The following LMO4 variants were observed in gnomAD, a reference collection of about 807,000 sequenced individuals.
LMO4 encodes LIM domain transcription factor LMO4.
In LMO4, 3 loss-of-function variants were observed where a neutral mutation model predicts 18.5. The ratio of observed to expected loss-of-function variants is 0.16; its 90% CI spans 0.07 to 0.42. LMO4 has a LOEUF of 0.42. LMO4 is among the 10% of genes least tolerant of loss of function. The pLI is 0.99. For synonymous variants in LMO4, 100 were observed against 88.1 expected (o/e 1.14, Z -0.76); for missense variants, 121 against 219.9 (o/e 0.55, Z 2.84).
At chr1:87,331,879 C>T (rs1650164259) in intron 1 of LMO4, 134 bp from the exon 2 acceptor site, 3 of 695,250 alleles carry the variant, frequency 4.3e-6, no homozygotes, top group Non-Finnish European at 7.2e-6. Context: ...TCCTTCCCGC[C>T]CTTGCCCTGC....
Position 87,345,491 on chromosome 1 carries a change from GAAA to G in LMO4, c.*704_*706del, listed in dbSNP as rs71740734. On this transcript the variant is annotated 3_prime_UTR_variant, in exon 5 of 5. Transcript: ENST00000370544. ...CCCTACTTCTAATTTGCTGAATGAA[GAAA>G]AAAAAAAATCTTTTATTTGTGATAT... The G allele has an allele frequency of 1.4e-5, 2 of 146,062 alleles. No homozygotes were observed. The highest frequency in any genetic ancestry group is 2.0e-4 in the East Asian group (1 of 5,060). The allele number at this position is 146,062 out of a possible 1,614,324, so 9.0% of individuals were successfully genotyped here.
At position 87,329,166 on chromosome 1, in the gene LMO4, C is replaced by G. The variant is rs938173509; in HGVS notation, c.-82C>G. The G allele has an allele frequency of 6.6e-6, 1 of 152,474 alleles. No homozygotes were observed. Among genetic ancestry groups the G allele is most frequent in the South Asian group, 2.1e-4 (1 of 4,836 alleles). 9.4% of individuals were successfully genotyped at this position (152,474 alleles called of 1,614,324 possible). ...TCCAGCTCCGCCAGCCCAGGCGCCC[C>G]TTCCCTGGAAGCCGAGCGGCTTCGC... On this transcript the variant is annotated 5_prime_UTR_variant, in exon 1 of 5. Transcript: ENST00000370544.
Position 87,340,093 on chromosome 1 carries a change from G to A in LMO4, c.380G>A (p.Arg127Gln). Residue 127 changes from arginine (R) to glutamine (Q), a missense_variant, in exon 4 of 5, where the codon CGG (arginine) becomes CAG (glutamine). Transcript: ENST00000370544. The part of the protein sequence containing the change: ...TCRNRLVPGD[R>Q]FHYINGSLFC... ...CGGAATCGCCTGGTCCCGGGAGATC[G>A]GTTTCACTACATCAATGGCAGTTTA... 2 of 1,614,030 alleles carry A rather than the reference G, an allele frequency of 1.2e-6. No homozygotes were observed. Among genetic ancestry groups the A allele is most frequent in the Non-Finnish European group, 1.7e-6 (2 of 1,179,980 alleles).
chr1:87,333,554 T>G (rs1065416), intron 2 of LMO4, among the ~76,000 whole-genome samples: 6,236 of 152,294 alleles, frequency 0.041, 325 homozygotes, highest in African/African-American at 0.12. Context: ...GTGGATATGT[T>G]TACCCCAGTG....
intron 2 of LMO4, among the ~76,000 whole-genome samples, chr1:87,337,261 A>G (rs980531197): frequency 1.3e-5 from 2 of 152,222 alleles, no homozygotes; most frequent in East Asian, 1.9e-4. Flanking sequence ...CTGAAAGGTT[A>G]TGATAGCAGC....
At chr1:87,332,337 C>A in intron 2 of LMO4, 86 bp downstream of exon 2, 2 of 1,011,272 alleles carry the variant, frequency 2.0e-6, no homozygotes, top group African/African-American at 1.6e-5. Context: ...AAGGAGTAGG[C>A]GTCTACGGGG....
At chr1:87,340,303 A>G (rs1355311240) in intron 4 of LMO4, 101 bp downstream of exon 4, 15 of 1,089,972 alleles carry the variant, frequency 1.4e-5, no homozygotes, top group Non-Finnish European at 2.0e-5. Context: ...GTATTTTTGC[A>G]TGCCCTTTTA....
rs931051018 is a variant in LMO4 at position 87,347,927 on chromosome 1, C to G, written c.*3131C>G. The G allele has an allele frequency of 6.6e-6, 1 of 152,122 alleles. No homozygotes were observed. Among genetic ancestry groups the G allele is most frequent in the Middle Eastern group, 3.2e-3 (1 of 316 alleles). 9.4% of individuals were successfully genotyped at this position (152,122 alleles called of 1,614,324 possible). ...CCGGACTGTAGTGTCTTATAAAATA[C>G]AAAACGAGAAAACTGACACACCAAA... is the stretch of plus-strand genomic sequence containing the variant. On this transcript the variant is annotated 3_prime_UTR_variant, in exon 5 of 5. Coordinates refer to ENST00000370544, the MANE Select transcript of LMO4 (RefSeq NM_006769.4).
At position 87,348,923 on chromosome 1, in the gene LMO4, A is replaced by G. The variant is rs1487467874; in HGVS notation, c.*4127A>G. 11 of 407,690 alleles carry G rather than the reference A, an allele frequency of 2.7e-5. No individual in the cohort carries two copies. The highest frequency in any genetic ancestry group is 1.1e-4 in the Admixed American group (4 of 36,258). The allele number at this position is 407,690 out of a possible 1,614,324, so 25.3% of individuals were successfully genotyped here. A position where few individuals can be genotyped will look rare whatever the true frequency, so the allele number is the denominator to read the frequency against. Reference sequence around the variant, plus strand: ...CTAATAAAGCAGAGGATGAAAATCAATTGATTCTGTTATAAGTTCTTTGAA... The same window carrying G: ...CTAATAAAGCAGAGGATGAAAATCAGTTGATTCTGTTATAAGTTCTTTGAA... On this transcript the variant is annotated 3_prime_UTR_variant, in exon 5 of 5. Coordinates refer to ENST00000370544, the MANE Select transcript of LMO4 (RefSeq NM_006769.4).
Position 87,345,413 on chromosome 1 carries a change from A to G in LMO4, c.*617A>G, listed in dbSNP as rs1351430798. The G allele has an allele frequency of 6.6e-6, 1 of 151,824 alleles. No homozygotes were observed. Among genetic ancestry groups the G allele is most frequent in the Non-Finnish European group, 1.5e-5 (1 of 68,030 alleles). The allele number at this position is 151,824 out of a possible 1,614,324, so 9.4% of individuals were successfully genotyped here. A position where few individuals can be genotyped will look rare whatever the true frequency, so the allele number is the denominator to read the frequency against. On this transcript the variant is annotated 3_prime_UTR_variant, in exon 5 of 5. Transcript: ENST00000370544. ...AAAAAAAAAAGAATGAAAAAAAGAA[A>G]AAAATTTGGAAAAAAAAATCAGGCT...
chr1:87,339,396 C>T, intron 2 of LMO4, 140 bp from the exon 3 acceptor site: 1 of 610,938 alleles, frequency 1.6e-6, no homozygotes, highest in Non-Finnish European at 2.9e-6. Context: ...GTAAATCACT[C>T]AGAAAATCTG....
intron 2 of LMO4, among the ~76,000 whole-genome samples, chr1:87,333,461 T>C (rs575151501): frequency 1.4e-3 from 209 of 152,356 alleles, no homozygotes; most frequent in Non-Finnish European, 2.1e-3. Flanking sequence ...ATGAACTATT[T>C]TGTTCAAAGT....
chr1:87,337,827 T>G (rs1570652599), intron 2 of LMO4, among the ~76,000 whole-genome samples: 1 of 152,174 alleles, frequency 6.6e-6, no homozygotes, highest in East Asian at 1.9e-4. Context: ...GTTCCTGAAG[T>G]GTCCAGCATT....
At position 87,333,040 on chromosome 1, in the gene LMO4, A is replaced by C. The variant is rs116998096; in HGVS notation, c.236+789A>C. ...ATTTAGAAAAAGGCTATAGAATTAT[A>C]CTAATCTTGCATTTTAAAGCAATGT... On this transcript the variant is annotated intron_variant, in intron 2 of 4. Coordinates refer to ENST00000370544, the MANE Select transcript of LMO4 (RefSeq NM_006769.4). Among the ~76,000 whole-genome samples the C allele has an allele frequency of 2.8e-4, 42 of 152,340 alleles. No homozygotes were observed. The East Asian group carries it at 7.9e-3, about 29-fold the overall frequency.
Position 87,348,867 on chromosome 1 carries a change from A to G in LMO4, c.*4071A>G, listed in dbSNP as rs1557619268. The G allele has an allele frequency of 8.7e-6, 4 of 457,294 alleles. No individual in the cohort carries two copies. Among genetic ancestry groups the G allele is most frequent in the Non-Finnish European group, 1.3e-5 (3 of 226,960 alleles). 28.3% of individuals were successfully genotyped at this position (457,294 alleles called of 1,614,324 possible). On this transcript the variant is annotated 3_prime_UTR_variant, in exon 5 of 5. Transcript: ENST00000370544. ...AGGCCCTGACATGTTACAGCTGTGT[A>G]AACAGGGCCATTCTATTTCCTAAAT... is the stretch of plus-strand genomic sequence containing the variant.
rs373024833 is a variant in LMO4 at position 87,332,228 on chromosome 1, C to T, written c.213C>T (p.Ile71=). The T allele has an allele frequency of 2.5e-6, 4 of 1,613,886 alleles. No individual in the cohort carries two copies. The highest frequency in any genetic ancestry group is 2.7e-5 in the African/African-American group (2 of 74,934). The part of the protein sequence containing the change: ...GTSCYTKSGM[I]LCRNDYIRLF... Reference sequence around the variant, plus strand: ...CCTGTTACACCAAAAGTGGCATGATCCTTTGCAGAAATGACTACATTAGGT... The same window carrying T: ...CCTGTTACACCAAAAGTGGCATGATTCTTTGCAGAAATGACTACATTAGGT... Residue 71 remains isoleucine (I), a synonymous_variant, in exon 2 of 5, where the codon ATC becomes ATT. Transcript: ENST00000370544.
Position 87,329,165 on chromosome 1 carries a change from C to T in LMO4, c.-83C>T, listed in dbSNP as rs1357740138. 2 of 152,494 alleles carry T rather than the reference C, an allele frequency of 1.3e-5. No homozygotes were observed. Among genetic ancestry groups the T allele is most frequent in the East Asian group, 1.9e-4 (1 of 5,148 alleles). The allele number at this position is 152,494 out of a possible 1,614,324, so 9.4% of individuals were successfully genotyped here. On this transcript the variant is annotated 5_prime_UTR_variant, in exon 1 of 5. Coordinates refer to ENST00000370544, the MANE Select transcript of LMO4 (RefSeq NM_006769.4). Reference sequence around the variant, plus strand: ...CTCCAGCTCCGCCAGCCCAGGCGCCCCTTCCCTGGAAGCCGAGCGGCTTCG... The same window carrying T: ...CTCCAGCTCCGCCAGCCCAGGCGCCTCTTCCCTGGAAGCCGAGCGGCTTCG...
At chr1:87,331,289 C>G (rs1212635358) in intron 1 of LMO4, 1 of 152,160 alleles carries the variant, frequency 6.6e-6, no homozygotes, top group South Asian at 2.1e-4. Flanking sequence ...AGATGGCGGT[C>G]ACCACAATGG....
chr1:87,334,837 T>C (rs1650255849), intron 2 of LMO4, among the ~76,000 whole-genome samples: 1 of 152,188 alleles, frequency 6.6e-6, no homozygotes, highest in African/African-American at 2.4e-5. Flanking sequence ...GCGGCTGCCT[T>C]GCTGCAGCGA....
Sources: allele counts gnomAD v4.1 joint callset (sites outside exome capture counted in the v4.1 genomes callset), GRCh38; gene constraint gnomAD v4.1.1; transcripts MANE v1.5; gene names NCBI Gene and HGNC (gene_info 2026-07-23, HGNC 2026-07-21).